The following MYO18B variants were observed in gnomAD, a reference collection of about 807,000 sequenced individuals.
MYO18B encodes unconventional myosin-XVIIIb.
MYO18B carries 204 observed loss-of-function variants against 273.0 expected under a neutral mutation model. The ratio of observed to expected loss-of-function variants is 0.75; its 90% CI spans 0.67 to 0.84. The LOEUF is 0.84. MYO18B is among the 40% of genes least tolerant of loss of function. MYO18B has a pLI of 0.00. For missense variants in MYO18B, 3,212 were observed against 3,287.6 expected, an observed-to-expected ratio of 0.98 and a Z score of 0.56; for synonymous variants, 1,330 against 1,305.7, an observed-to-expected ratio of 1.02 and a Z score of -0.40.
At chr22:25,980,956 T>C (rs1202908932) in intron 39 of MYO18B, among the ~76,000 whole-genome samples, 1 of 152,144 alleles carries the variant, frequency 6.6e-6, no homozygotes, top group African/African-American at 2.4e-5. Context: ...TAGCTTCTGG[T>C]GGTTCACTGG....
At position 25,832,826 on chromosome 22, in the gene MYO18B, G is replaced by A. The variant is rs1171016194; in HGVS notation, c.2980-91G>A. On this transcript the variant is annotated intron_variant, in intron 15 of 43. Coordinates refer to ENST00000335473, the MANE Select transcript of MYO18B (RefSeq NM_032608.7). ...TTTTTTTAAAGGGCCAAGAGGTGAT[G>A]GAAATCCTCTCCGCTTTTTCCTTCT... 13 of 1,121,092 alleles carry A rather than the reference G, an allele frequency of 1.2e-5. No homozygotes were observed. In the Admixed American group the frequency reaches 2.2e-4, roughly 19 times the overall value. The allele number at this position is 1,121,092 out of a possible 1,614,324, so 69.4% of individuals were successfully genotyped here.
intron 34 of MYO18B, among the ~76,000 whole-genome samples, chr22:25,923,955 A>T (rs770743236): frequency 6.6e-6 from 1 of 152,166 alleles, no homozygotes; most frequent in Non-Finnish European, 1.5e-5. Context: ...GTATTTAATG[A>T]AGGCGCTTTG....
At chr22:25,929,119 A>G (rs10427827) in intron 34 of MYO18B, among the ~76,000 whole-genome samples, 21,439 of 147,944 alleles carry the variant, frequency 0.14, 2,329 homozygotes, top group African/African-American at 0.31. Flanking sequence ...CCAAGATCAC[A>G]CCATTACACT....
chr22:26,029,286 C>T (rs894379117), intron 43 of MYO18B, among the ~76,000 whole-genome samples: 12 of 152,256 alleles, frequency 7.9e-5, no homozygotes, highest in African/African-American at 2.9e-4. Flanking sequence ...CCTGCTGCCA[C>T]CCCCAGGCCT....
chr22:25,839,200 G>A (rs370504622), intron 17 of MYO18B, among the ~76,000 whole-genome samples: 1 of 151,886 alleles, frequency 6.6e-6, no homozygotes, highest in Non-Finnish European at 1.5e-5. Context: ...GTTTGTATAT[G>A]TGTGCACGTG....
At chr22:26,001,631 G>A (rs775495773) in intron 40 of MYO18B, among the ~76,000 whole-genome samples, 7 of 152,228 alleles carry the variant, frequency 4.6e-5, no homozygotes, top group Non-Finnish European at 1.0e-4. Context: ...AAAGCCATGG[G>A]ATAGGGAACC....
chr22:25,947,487 T>TAGAC (rs2092725741), intron 35 of MYO18B, among the ~76,000 whole-genome samples: 1 of 110,616 alleles, frequency 9.0e-6, no homozygotes, highest in East Asian at 2.6e-4. Context: ...TAATGCCTAA[T>TAGAC]ACACACACAC....
chr22:25,748,236 T>C (rs1318432440), intron 1 of MYO18B, among the ~76,000 whole-genome samples: 3 of 152,202 alleles, frequency 2.0e-5, no homozygotes, highest in Non-Finnish European at 4.4e-5. Flanking sequence ...ACTGTGTGAC[T>C]GTCCTGGGGA....
chr22:25,914,686 CTTTTTTTTT>C (rs3070566), intron 33 of MYO18B, among the ~76,000 whole-genome samples: 38 of 50,848 alleles, frequency 7.5e-4, no homozygotes, highest in African/African-American at 1.9e-3. Context: ...AGTTTTGACT[CTTTTTTTTT>C]TTTTTTTTTT....
At chr22:26,041,999 C>G in the MYO18B span, among the ~76,000 whole-genome samples, 1 of 152,268 alleles carries the variant, frequency 6.6e-6, no homozygotes, top group African/African-American at 2.4e-5. Context: ...CTGAGTGTCC[C>G]CAGGATGCTG....
rs767827892 is a variant in MYO18B, at chr22:25,798,130, GC to G, written c.2521+34del. 5.1e-6 allele frequency: 8 copies of G among 1,570,420 alleles called. No individual in the cohort carries two copies. The East Asian group carries it at 1.8e-4, about 36-fold the overall frequency. On this transcript the variant is annotated intron_variant, in intron 12 of 43. Coordinates refer to ENST00000335473, the MANE Select transcript of MYO18B (RefSeq NM_032608.7). ...CTTCCTGCCGGGCTCACCTGGGAGG[GC>G]AGCTGTCTCCTTTGGCAGGTGCCTG...
intron 7 of MYO18B, among the ~76,000 whole-genome samples, chr22:25,776,821 T>C (rs192976335): frequency 1.4e-4 from 21 of 152,310 alleles, no homozygotes; most frequent in African/African-American, 5.1e-4. Context: ...AATGAGTGTG[T>C]ATCTCACTGT....
intron 24 of MYO18B, chr22:25,877,378 T>G (rs2091228955): frequency 6.6e-6 from 1 of 152,232 alleles, no homozygotes; most frequent in Non-Finnish European, 1.5e-5. Flanking sequence ...GATGTTTTGA[T>G]ATATGTTTAC....
At chr22:25,921,611 G>C (rs1273331025) in intron 34 of MYO18B, among the ~76,000 whole-genome samples, 1 of 152,158 alleles carries the variant, frequency 6.6e-6, no homozygotes, top group Non-Finnish European at 1.5e-5. Flanking sequence ...AAGGAGTCCT[G>C]TTCCCTTTTT....
At chr22:25,744,907 A>T (rs191854462) in intron 1 of MYO18B, among the ~76,000 whole-genome samples, 147 of 152,214 alleles carry the variant, frequency 9.7e-4, no homozygotes, top group African/African-American at 3.4e-3. Flanking sequence ...CACTTGTTCA[A>T]GGACACACAG....
At chr22:25,779,167 C>T (rs1453569094) in intron 8 of MYO18B, among the ~76,000 whole-genome samples, 1 of 151,980 alleles carries the variant, frequency 6.6e-6, no homozygotes, top group Non-Finnish European at 1.5e-5. Context: ...TCAGTTTTTG[C>T]TCTTCTCAGG....
At chr22:26,015,838 G>C (rs574842061) in intron 42 of MYO18B, among the ~76,000 whole-genome samples, 2 of 152,012 alleles carry the variant, frequency 1.3e-5, no homozygotes, top group Non-Finnish European at 2.9e-5. Context: ...AGGGAAACAC[G>C]AACTTTCACT....
At chr22:26,051,636 A>G in the MYO18B span, among the ~76,000 whole-genome samples, 1 of 152,224 alleles carries the variant, frequency 6.6e-6, no homozygotes, top group Non-Finnish European at 1.5e-5. Flanking sequence ...AAGTATAAAA[A>G]GACATGCAGT....
chr22:25,786,064 T>C (rs2087373527), intron 11 of MYO18B, among the ~76,000 whole-genome samples: 1 of 152,186 alleles, frequency 6.6e-6, no homozygotes, highest in South Asian at 2.1e-4. Flanking sequence ...GGTTCACTGG[T>C]TTGATATTTT....
Sources: allele counts gnomAD v4.1 joint callset (sites outside exome capture counted in the v4.1 genomes callset), GRCh38; gene constraint gnomAD v4.1.1; transcripts MANE v1.5; gene names NCBI Gene and HGNC (gene_info 2026-07-23, HGNC 2026-07-21).